KLHDC1: variants seen among roughly 807,000 people sequenced by gnomAD.
KLHDC1 encodes the protein kelch domain containing 1.
Under a neutral mutation model 68.3 loss-of-function variants are expected in KLHDC1, and 53 were observed. The observed-to-expected ratio is 0.78, with a 90% CI of 0.62 to 0.98. KLHDC1 has a LOEUF of 0.98. Among genes scored for constraint, KLHDC1 ranks in the 50% least tolerant of loss-of-function variants. The pLI is 0.00. For synonymous variants in KLHDC1, 148 were observed against 159.0 expected (o/e 0.93, Z 0.52); for missense variants, 470 against 492.3 (o/e 0.95, Z 0.43).
intron 1 of KLHDC1, among the ~76,000 whole-genome samples, chr14:49,699,647 T>C (rs1887845148): frequency 6.6e-6 from 1 of 152,152 alleles, no homozygotes; most frequent in African/African-American, 2.4e-5. Flanking sequence ...TGGACAAACA[T>C]ATGTTCTAAA....
chr14:49,728,105 C>T (rs977366754), intron 6 of KLHDC1, among the ~76,000 whole-genome samples: 5 of 152,068 alleles, frequency 3.3e-5, no homozygotes, highest in African/African-American at 9.7e-5. Flanking sequence ...GCAGATCGCT[C>T]GAGGCCAGGA....
At chr14:49,703,103 A>G (rs1299111916) in intron 1 of KLHDC1, among the ~76,000 whole-genome samples, 1 of 152,060 alleles carries the variant, frequency 6.6e-6, no homozygotes, top group Non-Finnish European at 1.5e-5. Flanking sequence ...GTATAAAATA[A>G]GTATTATTTA....
At chr14:49,698,908 G>T (rs984815583) in intron 1 of KLHDC1, among the ~76,000 whole-genome samples, 62 of 151,746 alleles carry the variant, frequency 4.1e-4, no homozygotes, top group African/African-American at 1.5e-3. Flanking sequence ...GCTCACGCCT[G>T]TAATCCCAGC....
At chr14:49,723,741 C>G (rs114760558) in intron 4 of KLHDC1, 133 bp from the exon 5 acceptor site, 2 of 575,404 alleles carry the variant, frequency 3.5e-6, no homozygotes, top group Non-Finnish European at 6.1e-6. Context: ...TCTCTTTGTT[C>G]CCTCAGCTCT....
chr14:49,746,015 G>C (rs1438584073), intron 12 of KLHDC1, among the ~76,000 whole-genome samples: 1 of 152,200 alleles, frequency 6.6e-6, no homozygotes, highest in African/African-American at 2.4e-5. Flanking sequence ...GTCAGGTACA[G>C]AGTGAATGTC....
chr14:49,699,504 A>G (rs960528301), intron 1 of KLHDC1, among the ~76,000 whole-genome samples: 1 of 152,172 alleles, frequency 6.6e-6, no homozygotes, highest in African/African-American at 2.4e-5. Flanking sequence ...ATCGTTCTAA[A>G]CAAGATAGTT....
chr14:49,745,703 T>C (rs1339066616), intron 12 of KLHDC1, among the ~76,000 whole-genome samples: 1 of 152,216 alleles, frequency 6.6e-6, no homozygotes, highest in African/African-American at 2.4e-5. Context: ...AGTGTAAAGA[T>C]ATATACAAAA....
Position 49,751,673 on chromosome 14 carries a change from C to A in KLHDC1, c.1122C>A (p.Leu374=), listed in dbSNP as rs1268787144. The change falls in exon 13 of 13, where the codon CTC becomes CTA. Residue 374 remains leucine, a synonymous_variant. Coordinates refer to ENST00000359332, the MANE Select transcript of KLHDC1 (RefSeq NM_172193.3). The part of the protein sequence containing the change: ...LLPPKLLQQV[L]KKITFWAAAN... The stretch of plus-strand genomic sequence containing the variant: ...CTCCTAAACTTCTGCAACAAGTACT[C>A]AAAAAAATAACATTTTGGGCTGCAG... The A allele has an allele frequency of 6.2e-7, 1 of 1,605,796 alleles. No homozygotes were observed. Among genetic ancestry groups the A allele is most frequent in the Admixed American group, 1.7e-5 (1 of 59,314 alleles).
chr14:49,722,172 C>T (rs1483092395), intron 4 of KLHDC1, among the ~76,000 whole-genome samples: 1 of 152,170 alleles, frequency 6.6e-6, no homozygotes. Context: ...TACGTGTGCA[C>T]AACGTGCAGG....
At chr14:49,708,070 CTTTTTT>C (rs11291588) in intron 1 of KLHDC1, among the ~76,000 whole-genome samples, 2 of 103,140 alleles carry the variant, frequency 1.9e-5, no homozygotes, top group Non-Finnish European at 4.2e-5. Context: ...AAAACTCTAG[CTTTTTT>C]TTTTTTTTTT....
intron 7 of KLHDC1, among the ~76,000 whole-genome samples, 197 bp from the exon 8 acceptor site, chr14:49,729,293 T>G (rs1283938824): frequency 1.3e-5 from 2 of 152,222 alleles, no homozygotes; most frequent in African/African-American, 2.4e-5. Context: ...TCCTATTTTT[T>G]CCTTTCCCCT....
At chr14:49,707,250 A>C (rs1888072796) in intron 1 of KLHDC1, among the ~76,000 whole-genome samples, 2 of 151,080 alleles carry the variant, frequency 1.3e-5, no homozygotes, top group Non-Finnish European at 2.9e-5. Flanking sequence ...CCTTGGAACT[A>C]ATACAACGCT....
At chr14:49,710,983 A>G (rs1353047685) in intron 4 of KLHDC1, among the ~76,000 whole-genome samples, 2 of 148,092 alleles carry the variant, frequency 1.4e-5, no homozygotes, top group African/African-American at 5.0e-5. Flanking sequence ...TTTCTTTCCT[A>G]ATTTTTTTTG....
chr14:49,726,700 T>C (rs1815572058), intron 6 of KLHDC1, among the ~76,000 whole-genome samples: 1 of 152,142 alleles, frequency 6.6e-6, no homozygotes, highest in African/African-American at 2.4e-5. Context: ...AATTCTCACA[T>C]AGCTGGAAAT....
chr14:49,719,541 G>A (rs1888472933), intron 4 of KLHDC1, among the ~76,000 whole-genome samples: 1 of 151,698 alleles, frequency 6.6e-6, no homozygotes, highest in South Asian at 2.1e-4. Flanking sequence ...TGATACTCCT[G>A]CCTCAGCCTC....
chr14:49,699,433 A>G (rs1594646174), intron 1 of KLHDC1, among the ~76,000 whole-genome samples: 1 of 152,192 alleles, frequency 6.6e-6, no homozygotes, highest in East Asian at 1.9e-4. Context: ...AAAAAAAAAA[A>G]AAAGAGGACA....
At chr14:49,731,294 G>A (rs998249973) in intron 8 of KLHDC1, among the ~76,000 whole-genome samples, 7 of 151,914 alleles carry the variant, frequency 4.6e-5, no homozygotes, top group African/African-American at 1.7e-4. Flanking sequence ...ATAAAAAAAA[G>A]TTTCTTATAA....
At position 49,751,639 on chromosome 14, in the gene KLHDC1, C is replaced by G. The variant is rs758961835; in HGVS notation, c.1088C>G (p.Ser363Cys). The G allele has an allele frequency of 2.5e-6, 4 of 1,599,330 alleles. No individual in the cohort carries two copies. In the East Asian group the frequency reaches 9.0e-5, roughly 36 times the overall value. ...KNSIMLESQI[S>C]LLPPKLLQQV... is the part of the protein sequence containing the mutation. ...TCTATCATGTTAGAAAGTCAGATAT[C>G]TTTATTACCTCCTAAACTTCTGCAA... Residue 363 changes from serine to cysteine, a missense_variant, in exon 13 of 13, where the codon TCT (serine) becomes TGT (cysteine). By Grantham distance (112) the Ser-to-Cys change is moderately radical. Coordinates refer to ENST00000359332, the MANE Select transcript of KLHDC1 (RefSeq NM_172193.3).
intron 4 of KLHDC1, among the ~76,000 whole-genome samples, chr14:49,719,975 C>T (rs1008554256): frequency 4.4e-4 from 59 of 134,440 alleles, no homozygotes; most frequent in African/African-American, 1.6e-3. Context: ...GTGCATGCCA[C>T]CACACCAAGC....
Sources: allele counts gnomAD v4.1 joint callset (sites outside exome capture counted in the v4.1 genomes callset), GRCh38; gene constraint gnomAD v4.1.1; transcripts MANE v1.5; gene names NCBI Gene and HGNC (gene_info 2026-07-23, HGNC 2026-07-21).